ACADSB: variants seen among roughly 807,000 people sequenced by gnomAD.
ACADSB encodes the protein acyl-CoA dehydrogenase short/branched chain.
ACADSB carries 40 observed loss-of-function variants against 54.1 expected under a neutral mutation model. The ratio of observed to expected loss-of-function variants is 0.74; its 90% CI spans 0.57 to 0.96. ACADSB has a LOEUF of 0.96. ACADSB is among the 40% of genes least tolerant of loss of function. The probability of loss-of-function intolerance (pLI) is 0.00; values close to 1 mark genes in which losing one functional copy is unlikely to be tolerated. For missense variants in ACADSB, 530 were observed against 510.4 expected, an observed-to-expected ratio of 1.04 and a Z score of -0.37; for synonymous variants, 182 against 182.8, an observed-to-expected ratio of 1.00 and a Z score of 0.03.
Position 123,053,000 on chromosome 10 carries a change from A to G in ACADSB, c.1129-61A>G. ...CCATGTTGCTGAAAATGTTACCCAG[A>G]AGTGTTTATCATGTATAAGTTATGT... On this transcript the variant is annotated intron_variant, in intron 9 of 10. Transcript: ENST00000358776. The surrounding 1 kb of genome is among the most constrained non-coding windows in gnomAD (Gnocchi z 4.2). The G allele has an allele frequency of 7.6e-7, 1 of 1,312,144 alleles. No individual in the cohort carries two copies. Among genetic ancestry groups the G allele is most frequent in the Admixed American group, 1.7e-5 (1 of 59,584 alleles). 81.3% of individuals were successfully genotyped at this position (1,312,144 alleles called of 1,614,324 possible). A position where few individuals can be genotyped will look rare whatever the true frequency, so the allele number is the denominator to read the frequency against.
At chr10:123,036,380 C>T (rs1850398954) in intron 2 of ACADSB, among the ~76,000 whole-genome samples, 1 of 152,224 alleles carries the variant, frequency 6.6e-6, no homozygotes, top group Non-Finnish European at 1.5e-5. Flanking sequence ...AGCCACTGCG[C>T]CCAGCTAGTA....
intron 9 of ACADSB, among the ~76,000 whole-genome samples, chr10:123,051,446 G>A (rs180956126): frequency 6.6e-6 from 1 of 152,060 alleles, no homozygotes; most frequent in Non-Finnish European, 1.5e-5. Context: ...AACTGCCATA[G>A]GAAAACCTTC....
chr10:123,017,537 G>C (rs926048047), intron 1 of ACADSB, among the ~76,000 whole-genome samples: 2 of 152,098 alleles, frequency 1.3e-5, no homozygotes, highest in African/African-American at 2.4e-5. Context: ...AGGCTGGTCT[G>C]GAACTCCTGA....
intron 1 of ACADSB, among the ~76,000 whole-genome samples, chr10:123,023,854 A>G (rs949371301): frequency 3.3e-5 from 5 of 152,238 alleles, no homozygotes; most frequent in African/African-American, 1.2e-4. Flanking sequence ...TCCCATTGTC[A>G]TCTGTGAAAG....
At chr10:123,021,713 G>A (rs1850187229) in intron 1 of ACADSB, among the ~76,000 whole-genome samples, 1 of 152,222 alleles carries the variant, frequency 6.6e-6, no homozygotes, top group Non-Finnish European at 1.5e-5. Flanking sequence ...TGGCCTCAGG[G>A]TGGAGCTCTT....
chr10:123,011,566 G>A (rs1055547004), intron 1 of ACADSB, among the ~76,000 whole-genome samples: 6 of 145,462 alleles, frequency 4.1e-5, no homozygotes, highest in South Asian at 2.2e-4. Flanking sequence ...TTACTCTGTC[G>A]CCCAGGTTGG....
At chr10:123,023,638 G>T (rs1287089207) in intron 1 of ACADSB, among the ~76,000 whole-genome samples, 1 of 152,176 alleles carries the variant, frequency 6.6e-6, no homozygotes, top group East Asian at 1.9e-4. Flanking sequence ...TTCCATGGCA[G>T]TTTGGTTTTT....
intron 1 of ACADSB, among the ~76,000 whole-genome samples, chr10:123,017,612 C>T (rs1367001806): frequency 1.3e-5 from 2 of 152,200 alleles, no homozygotes; most frequent in Admixed American, 6.5e-5. Flanking sequence ...GCCACCTCAC[C>T]GGGTGGACAC....
intron 1 of ACADSB, among the ~76,000 whole-genome samples, chr10:123,026,852 C>A (rs10902862): frequency 6.6e-6 from 1 of 151,204 alleles, no homozygotes; most frequent in African/African-American, 2.4e-5. Context: ...TAGAAGGATA[C>A]GTAAGAAACT....
At chr10:123,047,138 G>T (rs536963333) in intron 7 of ACADSB, 71 bp from the exon 8 acceptor site, 2 of 1,233,214 alleles carry the variant, frequency 1.6e-6, no homozygotes, top group South Asian at 1.2e-5. Context: ...TGTTTAGAGG[G>T]AATTCACAAC....
rs1183842247 is a variant in ACADSB at position 123,056,100 on chromosome 10, G to T, written c.*2335G>T. ...AGCCCTTCAAACTGTTCCAACCTCTGCCTGTTACCCAGTTCCAAACTTGCT... is the reference window on the plus strand; with the variant it reads ...AGCCCTTCAAACTGTTCCAACCTCTTCCTGTTACCCAGTTCCAAACTTGCT... On this transcript the variant is annotated 3_prime_UTR_variant, in exon 11 of 11. Transcript: ENST00000358776. The T allele has an allele frequency of 1.3e-5, 2 of 156,896 alleles. No homozygotes were observed. The highest frequency in any genetic ancestry group is 2.4e-5 in the African/African-American group (1 of 41,462). The allele number at this position is 156,896 out of a possible 1,614,324, so 9.7% of individuals were successfully genotyped here.
In ACADSB at chr10:123,022,477, G is replaced by A. The variant is rs529778725; in HGVS notation, c.43-11879G>A. On this transcript the variant is annotated intron_variant, in intron 1 of 10. Coordinates refer to ENST00000358776, the MANE Select transcript of ACADSB (RefSeq NM_001609.4). ...CTTCCAACTACTTAAGATTATTTTA[G>A]AGCTAACTATGACATGAACCCCAAA... Among the ~76,000 whole-genome samples the A allele has an allele frequency of 6.6e-4, 101 of 152,188 alleles. 1 individual carries two copies. The highest frequency in any genetic ancestry group is 1.2e-3 in the Non-Finnish European group (79 of 68,032).
chr10:123,043,675 C>CT (rs952195695), intron 6 of ACADSB, among the ~76,000 whole-genome samples: 2 of 151,816 alleles, frequency 1.3e-5, no homozygotes, highest in Admixed American at 6.6e-5. Context: ...AGAGCTTGAT[C>CT]TTTTTTTTGC....
Position 123,053,831 on chromosome 10 carries a change from T to C in ACADSB, c.*66T>C. On this transcript the variant is annotated 3_prime_UTR_variant, in exon 11 of 11. Coordinates refer to ENST00000358776, the MANE Select transcript of ACADSB (RefSeq NM_001609.4). ...AAAATTTTAAACGGTTGTGTCTTGT[T>C]GGGAGTAAGTGCCTTGCGTGGGAAT... The C allele has an allele frequency of 1.5e-6, 2 of 1,370,216 alleles. No individual in the cohort carries two copies. Among genetic ancestry groups the C allele is most frequent in the South Asian group, 2.3e-5 (2 of 86,116 alleles). 84.9% of individuals were successfully genotyped at this position (1,370,216 alleles called of 1,614,324 possible).
At chr10:123,014,985 A>T (rs1413397686) in intron 1 of ACADSB, among the ~76,000 whole-genome samples, 1 of 152,246 alleles carries the variant, frequency 6.6e-6, no homozygotes, top group Non-Finnish European at 1.5e-5. Flanking sequence ...CAAAGCAGTG[A>T]GGAGCTGATA....
intron 1 of ACADSB, among the ~76,000 whole-genome samples, chr10:123,018,837 G>A (rs546425641): frequency 7.2e-5 from 11 of 152,126 alleles, no homozygotes; most frequent in South Asian, 6.2e-4. Context: ...TCACTATCAC[G>A]AGAACAACAC....
In ACADSB at chr10:123,053,906, T is replaced by C; in HGVS notation, c.*141T>C. 1.2e-6 allele frequency: 1 copy of C among 804,804 alleles called. No homozygotes were observed. Among genetic ancestry groups the C allele is most frequent in the Admixed American group, 2.1e-5 (1 of 48,228 alleles). 49.9% of individuals were successfully genotyped at this position (804,804 alleles called of 1,614,324 possible). A position where few individuals can be genotyped will look rare whatever the true frequency, so the allele number is the denominator to read the frequency against. On this transcript the variant is annotated 3_prime_UTR_variant, in exon 11 of 11. Transcript: ENST00000358776. ...TTAATGAAGCCCTTAGTCAGGGTCC[T>C]GGTGTTGGCCTTTTTGGTTTTCTCT...
intron 1 of ACADSB, among the ~76,000 whole-genome samples, chr10:123,021,900 A>G (rs538988765): frequency 1.3e-5 from 2 of 150,734 alleles, no homozygotes; most frequent in South Asian, 4.1e-4. Flanking sequence ...GTTTTTCCCA[A>G]AGAGTCCCAT....
chr10:123,051,275 T>C, intron 9 of ACADSB, 89 bp downstream of exon 9: 1 of 1,371,974 alleles, frequency 7.3e-7, no homozygotes, highest in Admixed American at 2.9e-5. Flanking sequence ...CTCTTGGGAA[T>C]GTTGATTGTA....
Sources: gnomAD v4.1 joint callset for allele counts (sites outside exome capture counted in the v4.1 genomes callset) on GRCh38, gnomAD v4.1.1 for gene constraint, Gnocchi (gnomAD v3.1) non-coding constraint, MANE v1.5 for transcripts, NCBI Gene and HGNC (gene_info 2026-07-23, HGNC 2026-07-21) for gene names.